The following ARMC2 variants were observed in gnomAD, a reference collection of about 807,000 sequenced individuals.
The protein encoded by ARMC2 is armadillo repeat containing 2.
ARMC2 carries 67 observed loss-of-function variants against 90.3 expected under a neutral mutation model. The observed-to-expected ratio is 0.74, with a 90% CI of 0.61 to 0.91. The LOEUF (loss-of-function observed/expected upper bound fraction) is 0.91. ARMC2 is among the 40% of genes least tolerant of loss of function. ARMC2 has a pLI of 0.00. For missense variants in ARMC2, 920 were observed against 1,030.9 expected, an observed-to-expected ratio of 0.89 and a Z score of 1.47; for synonymous variants, 393 against 393.0, an observed-to-expected ratio of 1.00 and a Z score of 0.00.
At chr6:108,850,962 C>A (rs1476852492) in intron 1 of ARMC2, among the ~76,000 whole-genome samples, 1 of 152,114 alleles carries the variant, frequency 6.6e-6, no homozygotes, top group African/African-American at 2.4e-5. Context: ...AGGAAATGAC[C>A]TTTGAGAGTT....
the ARMC2 span, among the ~76,000 whole-genome samples, chr6:108,991,726 A>C: frequency 6.6e-6 from 1 of 152,094 alleles, no homozygotes; most frequent in Non-Finnish European, 1.5e-5. Flanking sequence ...TTTCCTAAAA[A>C]CACCTCTTTG....
chr6:108,930,785 C>T (rs1395745876), intron 11 of ARMC2, among the ~76,000 whole-genome samples: 2 of 151,564 alleles, frequency 1.3e-5, no homozygotes, highest in Non-Finnish European at 2.9e-5. Flanking sequence ...TTAGTAGAGA[C>T]GGGGTTTCAC....
chr6:108,872,756 T>C (rs1776554759), intron 4 of ARMC2, among the ~76,000 whole-genome samples: 1 of 152,170 alleles, frequency 6.6e-6, no homozygotes, highest in Admixed American at 6.5e-5. Context: ...TGAAAACCCT[T>C]CAGAGGCCCT....
the ARMC2 span, among the ~76,000 whole-genome samples, chr6:109,032,042 C>T: frequency 3.3e-5 from 5 of 151,776 alleles, no homozygotes; most frequent in Non-Finnish European, 5.9e-5. Flanking sequence ...TGGAATTTTC[C>T]GCGGATCACC....
At chr6:108,932,635 T>G (rs1396161243) in intron 11 of ARMC2, among the ~76,000 whole-genome samples, 3 of 145,006 alleles carry the variant, frequency 2.1e-5, no homozygotes, top group African/African-American at 7.7e-5. Flanking sequence ...TTCACACCAT[T>G]CTCCTGCCTC....
chr6:108,896,075 T>G lies in ARMC2; in HGVS notation c.748+1532T>G, dbSNP rs114332753. Among the ~76,000 whole-genome samples, 1,174 of 152,302 alleles carry G rather than the reference T, an allele frequency of 7.7e-3. 15 individuals are homozygous for G. The highest frequency in any genetic ancestry group is 0.028 in the African/African-American group (1,146 of 41,558). On this transcript the variant is annotated intron_variant, in intron 6 of 17. Transcript: ENST00000392644. Reference sequence around the variant, plus strand: ...TTAGTTTTTTATCAATAAAATGACTTCTGTGTCATTGGGAATTTCTTTACT... The same window carrying G: ...TTAGTTTTTTATCAATAAAATGACTGCTGTGTCATTGGGAATTTCTTTACT...
intron 12 of ARMC2, among the ~76,000 whole-genome samples, chr6:108,951,948 G>A (rs936001620): frequency 1.3e-5 from 2 of 152,286 alleles, no homozygotes; most frequent in Admixed American, 1.3e-4. Context: ...GGAAGCAGAT[G>A]TTGGTGTAGA....
At chr6:108,860,655 C>G (rs890318221) in intron 3 of ARMC2, among the ~76,000 whole-genome samples, 5 of 139,078 alleles carry the variant, frequency 3.6e-5, no homozygotes, top group African/African-American at 5.6e-5. Flanking sequence ...GAGCAAGACT[C>G]CATCTCAAAA....
intron 13 of ARMC2, among the ~76,000 whole-genome samples, chr6:108,958,892 TTGAG>T (rs1470188474): frequency 6.6e-6 from 1 of 152,252 alleles, no homozygotes; most frequent in Non-Finnish European, 1.5e-5. Context: ...GTTAAATAAT[TTGAG>T]TAAGGTCACA....
intron 13 of ARMC2, among the ~76,000 whole-genome samples, chr6:108,956,003 T>G (rs1228277889): frequency 6.6e-6 from 1 of 152,214 alleles, no homozygotes; most frequent in Non-Finnish European, 1.5e-5. Flanking sequence ...AATGCCTCCT[T>G]TGCCCCCAGG....
At position 108,970,494 on chromosome 6, in the gene ARMC2, C is replaced by CTT. The variant is rs1156823883; in HGVS notation, c.2447-2843_2447-2842dup. The stretch of plus-strand genomic sequence containing the variant: ...CTTTCTTTTCTTTTTCTTCTCTTTT[C>CTT]TTTTTTTTTTTTTTTTTTTTTGAGA... On this transcript the variant is annotated intron_variant, in intron 17 of 17. Transcript: ENST00000392644. Among the ~76,000 whole-genome samples, 556 of 117,290 alleles carry CTT rather than the reference C, an allele frequency of 4.7e-3. 7 individuals carry two copies. Among genetic ancestry groups the CTT allele is most frequent in the Non-Finnish European group, 6.2e-3 (350 of 56,202 alleles). 76.9% of individuals were successfully genotyped at this position (117,290 alleles called of 152,430 possible).
chr6:109,017,577 G>A, the ARMC2 span, among the ~76,000 whole-genome samples: 9 of 152,026 alleles, frequency 5.9e-5, no homozygotes, highest in African/African-American at 1.7e-4. Context: ...GAGCCACCGC[G>A]CCCGGCCCAA....
At chr6:109,052,940 A>G in the ARMC2 span, among the ~76,000 whole-genome samples, 7 of 152,222 alleles carry the variant, frequency 4.6e-5, no homozygotes, top group African/African-American at 7.2e-5. Context: ...GGAGACAGAC[A>G]TTAATCAAAC....
At chr6:108,899,671 C>T (rs1771929122) in intron 6 of ARMC2, 23 bp from the exon 7 acceptor site, 2 of 1,587,004 alleles carry the variant, frequency 1.3e-6, no homozygotes, top group African/African-American at 1.3e-5. Context: ...AGCTTTTTCT[C>T]CTGCTCTGGA....
chr6:108,937,122 A>T, intron 12 of ARMC2, 123 bp downstream of exon 12: 1 of 832,310 alleles, frequency 1.2e-6, no homozygotes, highest in Non-Finnish European at 1.8e-6. Flanking sequence ...CATTAAATGT[A>T]TAATGGGCTG....
chr6:109,009,745 C>T, the ARMC2 span, among the ~76,000 whole-genome samples: 1 of 152,092 alleles, frequency 6.6e-6, no homozygotes, highest in Non-Finnish European at 1.5e-5. Flanking sequence ...CCCAGGTTCC[C>T]CACGAACAGC....
At chr6:108,990,493 G>A in the ARMC2 span, 2 of 681,172 alleles carry the variant, frequency 2.9e-6, no homozygotes, top group Non-Finnish European at 4.9e-6. Context: ...GCAATAAAGT[G>A]GTTCTTTGAA....
chr6:108,940,354 C>T (rs115701555), intron 12 of ARMC2, among the ~76,000 whole-genome samples: 3,246 of 152,208 alleles, frequency 0.021, 31 homozygotes, highest in Middle Eastern at 0.044. Context: ...CTCTCTCCTG[C>T]GCGTGAGAGA....
At chr6:108,919,309 A>C (rs551458209) in intron 10 of ARMC2, among the ~76,000 whole-genome samples, 5 of 152,310 alleles carry the variant, frequency 3.3e-5, no homozygotes, top group Admixed American at 2.6e-4. Flanking sequence ...AATTATAAGT[A>C]TGTGTACTTA....
Sources: gnomAD v4.1 joint callset for allele counts (sites outside exome capture counted in the v4.1 genomes callset) on GRCh38, gnomAD v4.1.1 for gene constraint, MANE v1.5 for transcripts, NCBI Gene and HGNC (gene_info 2026-07-23, HGNC 2026-07-21) for gene names.